Variants in KLC1 observed in about 807,000 individuals in gnomAD.
KLC1 encodes the protein kinesin light chain 1, also known as kinesin 2 60/70kDa.
In KLC1, 30 loss-of-function variants were observed where a neutral mutation model predicts 84.2. The observed-to-expected ratio is 0.36, with a 90% confidence interval of 0.27 to 0.48. KLC1 has a LOEUF of 0.48. Ranked by LOEUF, KLC1 falls within the 20% of genes least tolerant of loss-of-function variation. The pLI, the probability that KLC1 is intolerant of heterozygous loss-of-function variation, is 0.99. For synonymous variants in KLC1, 289 were observed against 293.3 expected (o/e 0.99, Z 0.15); for missense variants, 499 against 805.4 (o/e 0.62, Z 4.60).
At chr14:103,699,717 A>G in intron 15 of KLC1, 1 of 779,346 alleles carries the variant, frequency 1.3e-6, no homozygotes, top group South Asian at 1.5e-5. Flanking sequence ...TGTAGTCCCC[A>G]TACTCTGAGC....
intron 1 of KLC1, among the ~76,000 whole-genome samples, chr14:103,640,143 C>T (rs779772311): frequency 6.6e-5 from 10 of 152,188 alleles, no homozygotes; most frequent in Non-Finnish European, 8.8e-5. Context: ...TCACTGCAAA[C>T]TCCACTTTCC....
intron 15 of KLC1, chr14:103,698,439 C>G: frequency 2.9e-6 from 1 of 343,660 alleles, no homozygotes. Flanking sequence ...AGACGCAACC[C>G]CAGTTGGGCT....
chr14:103,676,939 T>G (rs938177750), intron 11 of KLC1, among the ~76,000 whole-genome samples: 6 of 152,216 alleles, frequency 3.9e-5, no homozygotes, highest in Non-Finnish European at 7.3e-5. Flanking sequence ...ATGAAGCATT[T>G]ATCCTCTGCC....
At position 103,657,762 on chromosome 14, in the gene KLC1, G is replaced by A. The variant is rs1361868059; in HGVS notation, c.478G>A (p.Asp160Asn). 6.2e-6 allele frequency: 10 copies of A among 1,613,000 alleles called. 1 individual carries two copies. The highest frequency in any genetic ancestry group is 2.7e-5 in the African/African-American group (2 of 74,878). The change falls in exon 3 of 17, where the codon GAC becomes AAC. Residue 160 changes from aspartate (D) to asparagine (N), a missense_variant. Transcript: ENST00000334553. Reference protein sequence around the residue: ...FMNQLKKYDDDISPSEDKDTD... With the variant: ...FMNQLKKYDDNISPSEDKDTD... ...GAATCAGCTAAAAAAATATGATGAC[G>A]ACATTTCCCCATCCGTGAGTGGCTC...
chr14:103,644,531 C>CTA (rs1232639305), intron 1 of KLC1, among the ~76,000 whole-genome samples: 1 of 152,084 alleles, frequency 6.6e-6, no homozygotes, highest in Non-Finnish European at 1.5e-5. Flanking sequence ...AGTGCTTGGA[C>CTA]TAAGGCGTGA....
Position 103,694,279 on chromosome 14 carries a change from T to C in KLC1, c.1848+1854T>C, listed in dbSNP as rs1457383896. On this transcript the variant is annotated intron_variant, in intron 15 of 16. Coordinates refer to ENST00000334553, the MANE Select transcript of KLC1 (RefSeq NM_001394837.1). The surrounding 1 kb of genome is among the most constrained non-coding windows in gnomAD (Gnocchi z 4.5). ...TTTTTTTTTTTTTTTTGAGACGGAGTCTAACTCTGTTGCCCAGGCTGGAGC... is the reference window on the plus strand; with the variant it reads ...TTTTTTTTTTTTTTTTGAGACGGAGCCTAACTCTGTTGCCCAGGCTGGAGC... 2.0e-5 allele frequency: 19 copies of C among 942,176 alleles called. No individual in the cohort carries two copies. The highest frequency in any genetic ancestry group is 2.4e-5 in the Non-Finnish European group (19 of 805,966). 58.4% of individuals were successfully genotyped at this position (942,176 alleles called of 1,614,324 possible).
At chr14:103,674,375 C>T (rs1025501292) in intron 9 of KLC1, among the ~76,000 whole-genome samples, 1 of 151,450 alleles carries the variant, frequency 6.6e-6, no homozygotes, top group African/African-American at 2.4e-5. Flanking sequence ...GTGAGTGTTC[C>T]GAGAAGATGA....
rs149470478 is a variant in KLC1 at position 103,686,721 on chromosome 14, G to A, written c.1651-360G>A. Reference sequence around the variant, plus strand: ...TATGTATCTGTTAAATGTGGAAGTCGATTTTGATGATATTCTTAGAAGCTG... The same window carrying A: ...TATGTATCTGTTAAATGTGGAAGTCAATTTTGATGATATTCTTAGAAGCTG... On this transcript the variant is annotated intron_variant, in intron 13 of 16. Coordinates refer to ENST00000334553, the MANE Select transcript of KLC1 (RefSeq NM_001394837.1). 213 of 163,516 alleles carry A rather than the reference G, an allele frequency of 1.3e-3. 1 individual carries two copies. Among genetic ancestry groups the A allele is most frequent in the Admixed American group, 4.1e-3 (69 of 16,828 alleles). 10.1% of individuals were successfully genotyped at this position (163,516 alleles called of 1,614,324 possible). A position where few individuals can be genotyped will look rare whatever the true frequency, so the allele number is the denominator to read the frequency against.
At chr14:103,695,506 G>C (rs2082394029) in intron 15 of KLC1, 1 of 985,334 alleles carries the variant, frequency 1.0e-6, no homozygotes. Context: ...ACAGGGAGGA[G>C]GGCTCCGGAG....
At chr14:103,673,731 G>T (rs376559507) in intron 9 of KLC1, among the ~76,000 whole-genome samples, 1 of 152,122 alleles carries the variant, frequency 6.6e-6, no homozygotes, top group East Asian at 1.9e-4. Flanking sequence ...AGACCATCCT[G>T]GCTAACACAG....
At chr14:103,632,297 A>T (rs1276763426) in intron 1 of KLC1, among the ~76,000 whole-genome samples, 3 of 151,860 alleles carry the variant, frequency 2.0e-5, no homozygotes, top group Non-Finnish European at 4.4e-5. Context: ...GTGGTGGTGC[A>T]CACCTGTAAT....
At chr14:103,682,399 C>T (rs2151787967) in intron 13 of KLC1, 1 of 145,012 alleles carries the variant, frequency 6.9e-6, no homozygotes, top group Middle Eastern at 4.0e-3. Context: ...AAGAGTATAC[C>T]TGTGCCCGGT....
At chr14:103,667,957 A>G (rs543320104) in intron 5 of KLC1, among the ~76,000 whole-genome samples, 28 of 152,354 alleles carry the variant, frequency 1.8e-4, no homozygotes, top group African/African-American at 6.5e-4. Context: ...GTTTTACTCC[A>G]ATCAAGAAAG....
intron 12 of KLC1, 81 bp from the exon 13 acceptor site, chr14:103,679,303 T>TG: frequency 6.6e-7 from 1 of 1,515,386 alleles, no homozygotes; most frequent in Non-Finnish European, 8.9e-7. Context: ...TTTTTTTTTT[T>TG]TCTAGCGAAG....
intron 1 of KLC1, 84 bp from the exon 2 acceptor site, chr14:103,654,480 T>C: frequency 9.1e-7 from 1 of 1,097,918 alleles, no homozygotes. Context: ...AAAATGTTAA[T>C]TAAAAAATTT....
intron 13 of KLC1, chr14:103,686,065 C>A: frequency 9.8e-7 from 1 of 1,017,042 alleles, no homozygotes; most frequent in South Asian, 3.8e-5. Context: ...CCCTGGGGGC[C>A]CCGCTCGGAC....
chr14:103,677,392 G>C (rs376619887), intron 11 of KLC1, 23 bp from the exon 12 acceptor site: 4 of 1,380,390 alleles, frequency 2.9e-6, no homozygotes, highest in African/African-American at 2.8e-5. Context: ...TCATAGTTCT[G>C]TATGTCATGT....
At chr14:103,663,022 C>T in intron 5 of KLC1, 95 bp downstream of exon 5, 1 of 770,014 alleles carries the variant, frequency 1.3e-6, no homozygotes, top group Non-Finnish European at 2.0e-6. Flanking sequence ...TCTGTATAAA[C>T]TATTTTTCAA....
At chr14:103,695,407 A>AC (rs149055566) in intron 15 of KLC1, 287 of 978,510 alleles carry the variant, frequency 2.9e-4, no homozygotes, top group South Asian at 1.2e-3. Context: ...TGAGAAGCCA[A>AC]CCCCCCCCAA....
Sources: gnomAD v4.1 joint callset for allele counts (sites outside exome capture counted in the v4.1 genomes callset) on GRCh38, gnomAD v4.1.1 for gene constraint, Gnocchi (gnomAD v3.1) non-coding constraint, MANE v1.5 for transcripts, NCBI Gene and HGNC (gene_info 2026-07-23, HGNC 2026-07-21) for gene names.